Variants in CACNA2D3 observed in about 807,000 individuals in gnomAD.
CACNA2D3 encodes the protein voltage-dependent calcium channel subunit alpha-2/delta-3.
A neutral mutation model predicts 160.6 loss-of-function variants in CACNA2D3; 60 were observed. That is an observed-to-expected ratio of 0.37 (90% CI 0.30 to 0.46). CACNA2D3 has a LOEUF of 0.46. CACNA2D3 is among the 20% of genes least tolerant of loss of function. The pLI, the probability that CACNA2D3 is intolerant of heterozygous loss-of-function variation, is 1.00. For missense variants in CACNA2D3, 1,205 were observed against 1,365.0 expected (o/e 0.88, Z 1.85); for synonymous variants, 558 against 492.9 (o/e 1.13, Z -1.75).
intron 17 of CACNA2D3, among the ~76,000 whole-genome samples, chr3:54,854,290 G>A (rs1413196069): frequency 6.6e-6 from 1 of 152,164 alleles, no homozygotes. Context: ...AGAGCCTTGT[G>A]TGCTTTCTTC....
chr3:54,700,860 G>C (rs1418098927), intron 11 of CACNA2D3, among the ~76,000 whole-genome samples: 1 of 152,290 alleles, frequency 6.6e-6, no homozygotes, highest in East Asian at 1.9e-4. Flanking sequence ...ACTTGCCCAA[G>C]TCTCAAAACT....
At chr3:54,795,938 T>G (rs1456459378) in intron 13 of CACNA2D3, among the ~76,000 whole-genome samples, 1 of 152,164 alleles carries the variant, frequency 6.6e-6, no homozygotes, top group Non-Finnish European at 1.5e-5. Flanking sequence ...TTTGGCAAAG[T>G]GTGCTTGAAG....
intron 11 of CACNA2D3, among the ~76,000 whole-genome samples, chr3:54,690,327 T>C (rs1436869687): frequency 6.6e-6 from 1 of 152,192 alleles, no homozygotes; most frequent in East Asian, 1.9e-4. Context: ...ACTACTTTCT[T>C]ACATACTTTA....
chr3:54,226,144 G>C (rs1701666843), intron 2 of CACNA2D3, among the ~76,000 whole-genome samples: 1 of 152,060 alleles, frequency 6.6e-6, no homozygotes, highest in African/African-American at 2.4e-5. Context: ...TGAGACTGAT[G>C]ATAGGTCTGT....
At chr3:54,636,167 C>G (rs1699365736) in intron 10 of CACNA2D3, among the ~76,000 whole-genome samples, 1 of 151,850 alleles carries the variant, frequency 6.6e-6, no homozygotes, top group Admixed American at 6.6e-5. Flanking sequence ...GAGAGGCAGG[C>G]TAGTGGCTAG....
intron 4 of CACNA2D3, among the ~76,000 whole-genome samples, chr3:54,404,041 C>A (rs1245409596): frequency 6.6e-6 from 1 of 152,116 alleles, no homozygotes; most frequent in African/African-American, 2.4e-5. Context: ...GGCTTTACGG[C>A]TGAATTATAC....
chr3:54,545,696 C>T (rs1702050322), intron 5 of CACNA2D3, among the ~76,000 whole-genome samples: 1 of 152,146 alleles, frequency 6.6e-6, no homozygotes, highest in South Asian at 2.1e-4. Flanking sequence ...ATGATCCTGA[C>T]CAATTTAAAT....
At chr3:54,713,002 C>T (rs565288697) in intron 11 of CACNA2D3, among the ~76,000 whole-genome samples, 1 of 152,324 alleles carries the variant, frequency 6.6e-6, no homozygotes, top group East Asian at 1.9e-4. Flanking sequence ...GGTAGGGGAA[C>T]ATAGTATTCT....
At chr3:54,319,676 C>T (rs1382698774) in intron 2 of CACNA2D3, among the ~76,000 whole-genome samples, 1 of 152,052 alleles carries the variant, frequency 6.6e-6, no homozygotes, top group African/African-American at 2.4e-5. Context: ...CTGAGGACTC[C>T]CTGAGAGCGT....
chr3:54,610,136 C>T (rs995056985), intron 9 of CACNA2D3, among the ~76,000 whole-genome samples: 8 of 152,200 alleles, frequency 5.3e-5, no homozygotes, highest in African/African-American at 9.6e-5. Flanking sequence ...CTTATAAAAA[C>T]GCTAGATTAG....
At chr3:54,609,555 C>T (rs900521274) in intron 9 of CACNA2D3, among the ~76,000 whole-genome samples, 2 of 152,110 alleles carry the variant, frequency 1.3e-5, no homozygotes, top group Admixed American at 1.3e-4. Context: ...GCAGGTGTTT[C>T]TCAAAAATGT....
At chr3:54,721,412 T>C (rs1052399062) in intron 11 of CACNA2D3, among the ~76,000 whole-genome samples, 2 of 152,308 alleles carry the variant, frequency 1.3e-5, no homozygotes, top group South Asian at 2.1e-4. Context: ...TTTTAAAGAA[T>C]GTTTTTAATG....
intron 4 of CACNA2D3, among the ~76,000 whole-genome samples, chr3:54,409,660 A>G (rs771219081): frequency 1.1e-4 from 16 of 152,238 alleles, no homozygotes; most frequent in Non-Finnish European, 2.2e-4. Context: ...GAAGGAAATT[A>G]CAAGTGCTAC....
At chr3:54,902,225 C>T (rs1700349363) in intron 27 of CACNA2D3, among the ~76,000 whole-genome samples, 1 of 152,210 alleles carries the variant, frequency 6.6e-6, no homozygotes, top group Non-Finnish European at 1.5e-5. Context: ...GCCAGCTTCG[C>T]TCCCAGGCCT....
chr3:54,618,374 TGCACACACACAC>T (rs1490994100), intron 9 of CACNA2D3, among the ~76,000 whole-genome samples: 1 of 54,586 alleles, frequency 1.8e-5, no homozygotes, highest in Admixed American at 2.2e-4. Context: ...TATATATATA[TGCACACACACAC>T]ACACACACAC....
intron 2 of CACNA2D3, among the ~76,000 whole-genome samples, chr3:54,160,091 T>C (rs1700314583): frequency 6.6e-6 from 1 of 152,202 alleles, no homozygotes; most frequent in African/African-American, 2.4e-5. Context: ...ATGGAGAGAA[T>C]AGGAAGATGA....
intron 10 of CACNA2D3, among the ~76,000 whole-genome samples, chr3:54,631,031 G>A (rs989331582): frequency 3.9e-5 from 6 of 152,016 alleles, no homozygotes; most frequent in African/African-American, 1.5e-4. Context: ...GTGAAATCCC[G>A]TCTCTACTAA....
chr3:55,048,030 A>AT (rs1559473054), intron 35 of CACNA2D3, among the ~76,000 whole-genome samples: 1 of 148,030 alleles, frequency 6.8e-6, no homozygotes, highest in East Asian at 2.0e-4. Context: ...TATATATACA[A>AT]TCATGTCATC....
At chr3:54,751,229 C>T (rs1259198297) in intron 11 of CACNA2D3, among the ~76,000 whole-genome samples, 2 of 152,148 alleles carry the variant, frequency 1.3e-5, no homozygotes, top group Admixed American at 6.5e-5. Context: ...CCTGCCCATC[C>T]ACCCCAGAAA....
Sources: gnomAD v4.1 joint callset for allele counts (sites outside exome capture counted in the v4.1 genomes callset) on GRCh38, gnomAD v4.1.1 for gene constraint, MANE v1.5 for transcripts, NCBI Gene and HGNC (gene_info 2026-07-23, HGNC 2026-07-21) for gene names.